Variants in DCSTAMP observed in about 807,000 individuals in gnomAD.
DCSTAMP encodes the protein dendritic cell-specific transmembrane protein.
A neutral mutation model predicts 33.8 loss-of-function variants in DCSTAMP; 25 were observed. The observed-to-expected ratio is 0.74, with a 90% CI of 0.54 to 1.03. The LOEUF (loss-of-function observed/expected upper bound fraction) is 1.03, where lower values mean the gene tolerates loss of function less well. Among genes scored for constraint, DCSTAMP ranks in the 50% least tolerant of loss-of-function variants. DCSTAMP has a pLI of 0.00. For missense variants in DCSTAMP, 531 were observed against 556.8 expected, an observed-to-expected ratio of 0.95 and a Z score of 0.47; for synonymous variants, 245 against 216.7, an observed-to-expected ratio of 1.13 and a Z score of -1.15.
Position 104,349,451 on chromosome 8 carries a change from T to A in DCSTAMP, c.899T>A (p.Ile300Lys), listed in dbSNP as rs776334555. Residue 300 changes from isoleucine (I) to lysine (K), a missense_variant, in exon 2 of 4, where the codon ATA (isoleucine) becomes AAA (lysine). Coordinates refer to ENST00000297581, the MANE Select transcript of DCSTAMP (RefSeq NM_030788.4). ...AACCTGGGGCTGTTTTTCCTCCCCATACTTATCCATCTCTGCATCTGGGTG... is the reference window on the plus strand; with the variant it reads ...AACCTGGGGCTGTTTTTCCTCCCCAAACTTATCCATCTCTGCATCTGGGTG... ...RKNLGLFFLPILIHLCIWVLF... is the reference protein window; with the variant it reads ...RKNLGLFFLPKLIHLCIWVLF... 1.2e-6 allele frequency: 2 copies of A among 1,614,078 alleles called. No individual in the cohort carries two copies. The highest frequency in any genetic ancestry group is 1.7e-6 in the Non-Finnish European group (2 of 1,180,044).
At chr8:104,348,410 A>G in intron 1 of DCSTAMP, 131 bp from the exon 2 acceptor site, 1 of 854,540 alleles carries the variant, frequency 1.2e-6, no homozygotes, top group Non-Finnish European at 1.8e-6. Context: ...GTCATATTTC[A>G]AGGGAGAGGA....
At position 104,343,819 on chromosome 8, in the gene DCSTAMP, T is replaced by G. The variant is rs780345017; in HGVS notation, c.-13+3957T>G. ...TGTGAGGACACAGGGAGGAGGCAGT[T>G]GTCTGCAAGCCGGGGAGGGGTCCTC... is the stretch of plus-strand genomic sequence containing the variant. On this transcript the variant is annotated intron_variant, in intron 1 of 3. Transcript: ENST00000297581. Among the ~76,000 whole-genome samples, 119 of 152,218 alleles carry G rather than the reference T, an allele frequency of 7.8e-4. 1 individual carries two copies. The highest frequency in any genetic ancestry group is 1.2e-3 in the Non-Finnish European group (80 of 68,034).
intron 3 of DCSTAMP, among the ~76,000 whole-genome samples, chr8:104,355,858 A>T (rs1206048892): frequency 2.6e-5 from 4 of 152,222 alleles, no homozygotes; most frequent in Admixed American, 1.3e-4. Flanking sequence ...GGGAGGGGTC[A>T]GTTGTATGCT....
chr8:104,354,068 C>T (rs1011921734), intron 2 of DCSTAMP, among the ~76,000 whole-genome samples: 1 of 152,202 alleles, frequency 6.6e-6, no homozygotes, highest in African/African-American at 2.4e-5. Context: ...CTCCTGCCCT[C>T]TGTGTCAGTC....
chr8:104,351,418 G>C (rs1810461161), intron 2 of DCSTAMP, among the ~76,000 whole-genome samples: 1 of 152,176 alleles, frequency 6.6e-6, no homozygotes, highest in African/African-American at 2.4e-5. Context: ...AGCCTAGGAG[G>C]GTTCTTGGCT....
rs1810577407 is a variant in DCSTAMP, at chr8:104,354,979, G to T, written c.1132G>T (p.Val378Phe). 6.2e-7 allele frequency: 1 copy of T among 1,613,782 alleles called. No homozygotes were observed. Among genetic ancestry groups the T allele is most frequent in the African/African-American group, 1.3e-5 (1 of 74,920 alleles). The change falls in exon 3 of 4, where the codon GTT (valine) becomes TTT (phenylalanine). Residue 378 changes from valine to phenylalanine, a missense_variant. Coordinates refer to ENST00000297581, the MANE Select transcript of DCSTAMP (RefSeq NM_030788.4). ...AAAATTCCTTCTATCTGAGACCTGG[G>T]TTCCTCTCAGTGTTATTCTTTTGAT... Reference protein sequence around the residue: ...KPKFLLSETWVPLSVILLILV... With the variant: ...KPKFLLSETWFPLSVILLILV...
At chr8:104,352,318 A>G (rs767191045) in intron 2 of DCSTAMP, among the ~76,000 whole-genome samples, 6 of 152,072 alleles carry the variant, frequency 3.9e-5, no homozygotes, top group Non-Finnish European at 5.9e-5. Context: ...GAATCCCGTT[A>G]ATTACAAGGC....
At chr8:104,342,519 A>T (rs1441638549) in intron 1 of DCSTAMP, among the ~76,000 whole-genome samples, 3 of 152,238 alleles carry the variant, frequency 2.0e-5, no homozygotes, top group African/African-American at 7.2e-5. Flanking sequence ...CCTACAAGTT[A>T]AATGGGGGCA....
Position 104,356,206 on chromosome 8 carries a change from C to T in DCSTAMP, c.*8C>T, listed in dbSNP as rs781456540. 24 of 1,609,302 alleles carry T rather than the reference C, an allele frequency of 1.5e-5. No homozygotes were observed. Among genetic ancestry groups the T allele is most frequent in the South Asian group, 5.5e-5 (5 of 90,108 alleles). The stretch of plus-strand genomic sequence containing the variant: ...AGTGCAGACAAGTCATGAGAGACCC[C>T]GACTACTCCTCAGCCACATCGCACC... On this transcript the variant is annotated 3_prime_UTR_variant, in exon 4 of 4. Transcript: ENST00000297581.
chr8:104,354,264 T>C (rs1270586920), intron 2 of DCSTAMP, among the ~76,000 whole-genome samples: 1 of 152,174 alleles, frequency 6.6e-6, no homozygotes, highest in African/African-American at 2.4e-5. Context: ...GTACACTAAA[T>C]AAGAATAATC....
chr8:104,355,866 G>A (rs1486096746), intron 3 of DCSTAMP, among the ~76,000 whole-genome samples: 2 of 152,176 alleles, frequency 1.3e-5, no homozygotes, highest in Middle Eastern at 3.2e-3. Context: ...TCAGTTGTAT[G>A]CTACTGGACG....
At chr8:104,351,938 A>G (rs954804524) in intron 2 of DCSTAMP, among the ~76,000 whole-genome samples, 1 of 152,170 alleles carries the variant, frequency 6.6e-6, no homozygotes, top group East Asian at 1.9e-4. Context: ...TCTTTTTTTA[A>G]AAAGATTATT....
In DCSTAMP at chr8:104,355,317, A is replaced by T. The variant is rs551956494; in HGVS notation, c.1338+132A>T. ...CTTGTACCCCAGCAGTAGATAGGAC[A>T]TTGAGGAAAAATGAACAAACGTACG... is the stretch of plus-strand genomic sequence containing the variant. On this transcript the variant is annotated intron_variant, in intron 3 of 3. Transcript: ENST00000297581. 2.8e-4 allele frequency: 254 copies of T among 906,138 alleles called. 2 individuals carry two copies. In the East Asian group the frequency reaches 4.2e-3, roughly 15 times the overall value. 56.1% of individuals were successfully genotyped at this position (906,138 alleles called of 1,614,324 possible).
At chr8:104,342,030 G>A (rs2099382968) in intron 1 of DCSTAMP, among the ~76,000 whole-genome samples, 3 of 152,150 alleles carry the variant, frequency 2.0e-5, no homozygotes, top group Admixed American at 6.5e-5. Context: ...ACTTTTAGAT[G>A]CTGCCAGAAA....
rs755969159 is a variant in DCSTAMP at position 104,354,918 on chromosome 8, T to A, written c.1071T>A (p.Asn357Lys). 1 of 1,608,764 alleles carries A rather than the reference T, an allele frequency of 6.2e-7. No homozygotes were observed. Among genetic ancestry groups the A allele is most frequent in the East Asian group, 2.2e-5 (1 of 44,854 alleles). ...TQDIIHDSSF[N>K]ISVFEPNCIP... is the part of the protein sequence containing the mutation. ...ATATTATCCATGATTCTTCCTTTAA[T>A]ATATCTGTGTTTGAACCCAACTGTA... Residue 357 changes from asparagine to lysine, a missense_variant, in exon 3 of 4, where the codon AAT (asparagine) becomes AAA (lysine). Coordinates refer to ENST00000297581, the MANE Select transcript of DCSTAMP (RefSeq NM_030788.4).
At chr8:104,352,689 C>T (rs1810495967) in intron 2 of DCSTAMP, among the ~76,000 whole-genome samples, 1 of 152,142 alleles carries the variant, frequency 6.6e-6, no homozygotes, top group African/African-American at 2.4e-5. Context: ...ATTACTGGCT[C>T]CTGGGGGCAC....
At chr8:104,349,636 T>G in intron 2 of DCSTAMP, 55 bp downstream of exon 2, 1 of 1,546,178 alleles carries the variant, frequency 6.5e-7, no homozygotes, top group Non-Finnish European at 8.7e-7. Flanking sequence ...TGGTCTGTCT[T>G]GCAAAAGATC....
chr8:104,351,732 T>A (rs977443400), intron 2 of DCSTAMP, among the ~76,000 whole-genome samples: 2 of 152,100 alleles, frequency 1.3e-5, no homozygotes, highest in African/African-American at 2.4e-5. Flanking sequence ...CTGGTAGGAG[T>A]GCCTTATGCA....
At chr8:104,350,567 G>A (rs188664498) in intron 2 of DCSTAMP, among the ~76,000 whole-genome samples, 1 of 152,306 alleles carries the variant, frequency 6.6e-6, no homozygotes. Flanking sequence ...GGTTTTTTGA[G>A]ACAGATTGGA....
Sources: allele counts gnomAD v4.1 joint callset (sites outside exome capture counted in the v4.1 genomes callset), GRCh38; gene constraint gnomAD v4.1.1; transcripts MANE v1.5; gene names NCBI Gene and HGNC (gene_info 2026-07-23, HGNC 2026-07-21).